RASGRF2: variants seen among roughly 807,000 people sequenced by gnomAD.
RASGRF2 encodes Ras protein specific guanine nucleotide releasing factor 2, also known as ras-specific guanine nucleotide-releasing factor 2.
Under a neutral mutation model 151.0 loss-of-function variants are expected in RASGRF2, and 76 were observed. The ratio of observed to expected loss-of-function variants is 0.50; its 90% CI spans 0.42 to 0.61. The LOEUF is 0.61. RASGRF2 is among the 20% of genes least tolerant of loss of function. RASGRF2 has a pLI of 0.00. For missense variants in RASGRF2, 1,148 were observed against 1,564.6 expected (o/e 0.73, Z 4.49); for synonymous variants, 504 against 566.5 (o/e 0.89, Z 1.57).
intron 17 of RASGRF2, among the ~76,000 whole-genome samples, chr5:81,150,450 C>CTGTTTCCT (rs1241895759): frequency 2.6e-5 from 4 of 152,196 alleles, no homozygotes; most frequent in Non-Finnish European, 4.4e-5. Flanking sequence ...TTATTATTGG[C>CTGTTTCCT]TGTTTCCTCC....
At chr5:81,199,637 C>T (rs138588493) in intron 18 of RASGRF2, among the ~76,000 whole-genome samples, 68 of 152,200 alleles carry the variant, frequency 4.5e-4, no homozygotes, top group African/African-American at 1.4e-3. Context: ...CATGCCTGTG[C>T]GGTGGCTCCC....
chr5:81,059,051 C>A (rs1751325826), intron 2 of RASGRF2, among the ~76,000 whole-genome samples: 1 of 152,074 alleles, frequency 6.6e-6, no homozygotes, highest in Non-Finnish European at 1.5e-5. Context: ...CACCCCTACC[C>A]TTCTTTCTCA....
chr5:81,014,933 T>G (rs971209823), intron 1 of RASGRF2, among the ~76,000 whole-genome samples: 1 of 152,200 alleles, frequency 6.6e-6, no homozygotes, highest in Non-Finnish European at 1.5e-5. Flanking sequence ...TATGTATTTA[T>G]TTTTGAGACA....
At chr5:81,129,887 A>G (rs1337002699) in intron 17 of RASGRF2, among the ~76,000 whole-genome samples, 1 of 152,200 alleles carries the variant, frequency 6.6e-6, no homozygotes, top group Admixed American at 6.5e-5. Flanking sequence ...TTTATTTGAG[A>G]TGAGCCCATT....
chr5:81,030,628 C>T (rs564053207), intron 1 of RASGRF2, among the ~76,000 whole-genome samples: 119 of 152,274 alleles, frequency 7.8e-4, no homozygotes, highest in African/African-American at 2.7e-3. Context: ...CCAGACCTGC[C>T]TTACAAGAGC....
intron 1 of RASGRF2, among the ~76,000 whole-genome samples, chr5:81,000,586 C>T (rs1300373605): frequency 1.3e-5 from 2 of 152,122 alleles, no homozygotes; most frequent in East Asian, 1.9e-4. Flanking sequence ...ATGAGGCTCT[C>T]GTACTAAGTC....
At chr5:80,971,783 T>C (rs370174919) in intron 1 of RASGRF2, among the ~76,000 whole-genome samples, 9 of 152,036 alleles carry the variant, frequency 5.9e-5, no homozygotes, top group African/African-American at 2.2e-4. Flanking sequence ...TTGCCCAGGC[T>C]GGTCTCAACC....
intron 17 of RASGRF2, among the ~76,000 whole-genome samples, chr5:81,129,969 T>C (rs995114860): frequency 1.9e-4 from 29 of 152,170 alleles, no homozygotes; most frequent in African/African-American, 2.9e-4. Context: ...ATCGTTTGAA[T>C]GTGCTTTAGA....
intron 1 of RASGRF2, among the ~76,000 whole-genome samples, chr5:80,976,922 T>C (rs1163080409): frequency 2.6e-5 from 4 of 152,254 alleles, no homozygotes; most frequent in Non-Finnish European, 5.9e-5. Flanking sequence ...ATTGGCAAAC[T>C]GCAACCTGTG....
At chr5:81,111,660 G>A (rs1420786533) in intron 13 of RASGRF2, among the ~76,000 whole-genome samples, 1 of 151,898 alleles carries the variant, frequency 6.6e-6, no homozygotes, top group Non-Finnish European at 1.5e-5. Context: ...CAGGAACTTA[G>A]AAAAAGAATG....
intron 9 of RASGRF2, chr5:81,087,358 C>T (rs1191828673): frequency 1.4e-6 from 1 of 702,704 alleles, no homozygotes; most frequent in Non-Finnish European, 2.6e-6. Context: ...GGACCATGTC[C>T]GAAGTGAAAA....
At chr5:81,114,714 T>G (rs550047492) in intron 15 of RASGRF2, 1 of 152,584 alleles carries the variant, frequency 6.6e-6, no homozygotes, top group South Asian at 2.1e-4. Flanking sequence ...AAAAGCATTT[T>G]GGTCTTTCCT....
chr5:81,220,685 G>A (rs113138533), intron 26 of RASGRF2, among the ~76,000 whole-genome samples: 5,704 of 152,198 alleles, frequency 0.037, 127 homozygotes, highest in Middle Eastern at 0.071. Flanking sequence ...AGCCAGGATG[G>A]TCTTGAACTC....
At chr5:81,053,922 T>G (rs1338428468) in intron 2 of RASGRF2, among the ~76,000 whole-genome samples, 2 of 152,272 alleles carry the variant, frequency 1.3e-5, no homozygotes, top group Non-Finnish European at 2.9e-5. Context: ...CATAAATGTC[T>G]TCTTTTGAGA....
chr5:80,980,583 A>C (rs1396910168), intron 1 of RASGRF2, among the ~76,000 whole-genome samples: 1 of 152,210 alleles, frequency 6.6e-6, no homozygotes, highest in African/African-American at 2.4e-5. Context: ...CAAAGGTTGC[A>C]GTGAACCGAG....
intron 22 of RASGRF2, 25 bp downstream of exon 22, chr5:81,208,463 G>T (rs11957258): frequency 0.16 from 249,297 of 1,585,926 alleles, 20,651 homozygotes; most frequent in African/African-American, 0.26. Flanking sequence ...CAGTAAAACC[G>T]TGGGCGTGTC....
chr5:80,964,879 C>A (rs1373861530), intron 1 of RASGRF2, among the ~76,000 whole-genome samples: 4 of 151,986 alleles, frequency 2.6e-5, no homozygotes, highest in African/African-American at 9.7e-5. Flanking sequence ...GTACACATCC[C>A]AGTTAGTCTG....
intron 17 of RASGRF2, among the ~76,000 whole-genome samples, chr5:81,157,561 C>T (rs536178650): frequency 3.3e-5 from 5 of 152,098 alleles, no homozygotes; most frequent in Non-Finnish European, 7.4e-5. Flanking sequence ...TACCAATAGC[C>T]TTTGTATTAG....
intron 1 of RASGRF2, among the ~76,000 whole-genome samples, chr5:80,990,013 C>T (rs900335246): frequency 6.6e-6 from 1 of 152,154 alleles, no homozygotes; most frequent in Non-Finnish European, 1.5e-5. Flanking sequence ...CTTCTCCCCA[C>T]CACCTACCTT....
Sources: gnomAD v4.1 joint callset for allele counts (sites outside exome capture counted in the v4.1 genomes callset) on GRCh38, gnomAD v4.1.1 for gene constraint, MANE v1.5 for transcripts, NCBI Gene and HGNC (gene_info 2026-07-23, HGNC 2026-07-21) for gene names.